Variants in TAGLN3 observed in about 807,000 individuals in gnomAD.
TAGLN3 encodes the protein transgelin-3.
TAGLN3 carries 12 observed loss-of-function variants against 25.4 expected under a neutral mutation model. That is an observed-to-expected ratio of 0.47 (90% CI 0.30 to 0.77). The LOEUF (loss-of-function observed/expected upper bound fraction) is 0.77. Among genes scored for constraint, TAGLN3 ranks in the 30% least tolerant of loss-of-function variants. TAGLN3 has a pLI of 0.06. For synonymous variants in TAGLN3, 96 were observed against 94.8 expected (o/e 1.01, Z -0.08); for missense variants, 218 against 255.8 (o/e 0.85, Z 1.01).
chr3:111,999,266 A>G, intron 1 of TAGLN3, 152 bp downstream of exon 1: 1 of 794,348 alleles, frequency 1.3e-6, no homozygotes. Context: ...CATTGGCTTC[A>G]TTGGCTCCTT....
chr3:112,007,525 T>C (rs1418436008), intron 3 of TAGLN3, among the ~76,000 whole-genome samples: 1 of 152,226 alleles, frequency 6.6e-6, no homozygotes. Context: ...CACCAGCTCT[T>C]AGATAACCAG....
At chr3:112,002,695 AGGAGGTCTGTG>A (rs2107720469) in intron 3 of TAGLN3, among the ~76,000 whole-genome samples, 1 of 148,684 alleles carries the variant, frequency 6.7e-6, no homozygotes, top group African/African-American at 2.4e-5. Flanking sequence ...GGAAGAAGCC[AGGAGGTCTGTG>A]GGAGGTGAGG....
chr3:112,004,266 G>T (rs934404951), intron 3 of TAGLN3, among the ~76,000 whole-genome samples: 1 of 152,238 alleles, frequency 6.6e-6, no homozygotes, highest in Non-Finnish European at 1.5e-5. Flanking sequence ...CCTGGAAAGG[G>T]CAGGGGTGGG....
intron 3 of TAGLN3, among the ~76,000 whole-genome samples, chr3:112,006,835 A>ATCT (rs1349817900): frequency 1.3e-5 from 2 of 152,242 alleles, no homozygotes; most frequent in African/African-American, 4.8e-5. Context: ...TTGTTAAAGT[A>ATCT]TCTTTATAGC....
rs758289777 is a variant in TAGLN3, at chr3:112,013,675, G to A, written c.*124G>A. The A allele has an allele frequency of 4.9e-6, 7 of 1,440,252 alleles. No individual in the cohort carries two copies. The highest frequency in any genetic ancestry group is 6.7e-6 in the Non-Finnish European group (7 of 1,046,614). The allele number at this position is 1,440,252 out of a possible 1,614,324, so 89.2% of individuals were successfully genotyped here. A position where few individuals can be genotyped will look rare whatever the true frequency, so the allele number is the denominator to read the frequency against. ...TCAAAGCCTTCTGTCCCTGGTTTTT[G>A]CAAGTGCTGCATTTCCGCCGAGAAT... On this transcript the variant is annotated 3_prime_UTR_variant, in exon 5 of 5. Transcript: ENST00000478951.
intron 3 of TAGLN3, among the ~76,000 whole-genome samples, chr3:112,001,467 T>C (rs1055547093): frequency 1.8e-4 from 28 of 152,232 alleles, no homozygotes; most frequent in African/African-American, 5.5e-4. Context: ...TCCTTCACAT[T>C]TGTGAATTGA....
chr3:112,001,886 G>A (rs1345563619), intron 3 of TAGLN3, among the ~76,000 whole-genome samples: 2 of 152,174 alleles, frequency 1.3e-5, no homozygotes, highest in East Asian at 1.9e-4. Flanking sequence ...TCAGATGATG[G>A]TTGAAATAGA....
rs201934027 is a variant in TAGLN3 at position 112,011,729 on chromosome 3, C to T, written c.356-34C>T. Reference sequence around the variant, plus strand: ...CTTCCAGCATTCCTTGGCTCTGACACGTGCTTGGCTTTAAGCTCTTTGTTG... The same window carrying T: ...CTTCCAGCATTCCTTGGCTCTGACATGTGCTTGGCTTTAAGCTCTTTGTTG... On this transcript the variant is annotated intron_variant, in intron 3 of 4. Coordinates refer to ENST00000478951, the MANE Select transcript of TAGLN3 (RefSeq NM_001008272.2). 217 of 1,591,192 alleles carry T rather than the reference C, an allele frequency of 1.4e-4. No homozygotes were observed. In the Admixed American group the frequency reaches 3.0e-3, roughly 22 times the overall value.
At chr3:112,012,130 T>C (rs1390289665) in intron 4 of TAGLN3, among the ~76,000 whole-genome samples, 2 of 152,186 alleles carry the variant, frequency 1.3e-5, no homozygotes, top group African/African-American at 2.4e-5. Context: ...TCAGCAGGAC[T>C]GGATGGCCTT....
Position 112,013,570 on chromosome 3 carries a change from T to A in TAGLN3, c.*19T>A. On this transcript the variant is annotated 3_prime_UTR_variant, in exon 5 of 5. Transcript: ENST00000478951. ...CATGTAGGACGCGGCATCCTGCCCC[T>A]GGTAGAGAGGACGAATGTTCCACAC... The A allele has an allele frequency of 6.2e-7, 1 of 1,614,026 alleles. No individual in the cohort carries two copies. Among genetic ancestry groups the A allele is most frequent in the Non-Finnish European group, 8.5e-7 (1 of 1,179,912 alleles).
rs555766978 is a variant in TAGLN3 at position 112,005,816 on chromosome 3, G to C, written c.355+4870G>C. The stretch of plus-strand genomic sequence containing the variant: ...CCAGGTTCACGGCATTCTCCTGCCT[G>C]AGCCTCCTGAGTAGCTGGGACTTAC... On this transcript the variant is annotated intron_variant, in intron 3 of 4. Transcript: ENST00000478951. Among the ~76,000 whole-genome samples, 40 of 149,884 alleles carry C rather than the reference G, an allele frequency of 2.7e-4. No individual in the cohort carries two copies. In the South Asian group the frequency reaches 4.6e-3, roughly 17 times the overall value.
chr3:112,010,326 T>G (rs910323376), intron 3 of TAGLN3, among the ~76,000 whole-genome samples: 5 of 152,116 alleles, frequency 3.3e-5, no homozygotes, highest in African/African-American at 1.2e-4. Context: ...ACAGTAGAGA[T>G]GAGTGATATA....
intron 3 of TAGLN3, among the ~76,000 whole-genome samples, chr3:112,008,166 C>G (rs1161013283): frequency 2.0e-5 from 3 of 152,172 alleles, no homozygotes; most frequent in African/African-American, 7.2e-5. Context: ...CCTGCAAACT[C>G]CCATAAATAA....
At chr3:112,007,743 T>G (rs2072933043) in intron 3 of TAGLN3, among the ~76,000 whole-genome samples, 1 of 152,226 alleles carries the variant, frequency 6.6e-6, no homozygotes, top group Admixed American at 6.5e-5. Context: ...TGGGCTGACT[T>G]CCAACTTGGA....
At chr3:112,006,087 C>T (rs1371686642) in intron 3 of TAGLN3, among the ~76,000 whole-genome samples, 6 of 152,170 alleles carry the variant, frequency 3.9e-5, no homozygotes, top group South Asian at 4.2e-4. Flanking sequence ...TCAGAGCAGC[C>T]GTCACTGCAT....
chr3:112,006,912 C>A (rs1443394087), intron 3 of TAGLN3, among the ~76,000 whole-genome samples: 1 of 152,172 alleles, frequency 6.6e-6, no homozygotes, highest in Admixed American at 6.5e-5. Context: ...GGAGTTATAA[C>A]TTAGTAATAT....
chr3:112,002,171 C>T (rs2072867408), intron 3 of TAGLN3, among the ~76,000 whole-genome samples: 1 of 152,316 alleles, frequency 6.6e-6, no homozygotes, highest in African/African-American at 2.4e-5. Flanking sequence ...ATCCTTGCTT[C>T]CTCGATCAAA....
chr3:111,999,638 G>T (rs774986257), intron 2 of TAGLN3, 36 bp downstream of exon 2: 31 of 1,605,054 alleles, frequency 1.9e-5, no homozygotes, highest in South Asian at 1.9e-4. Flanking sequence ...CTGGGGCGGT[G>T]GGCAGGGAAA....
At chr3:112,009,131 G>A (rs369161315) in intron 3 of TAGLN3, among the ~76,000 whole-genome samples, 27 of 152,268 alleles carry the variant, frequency 1.8e-4, no homozygotes, top group East Asian at 1.7e-3. Flanking sequence ...AGCCATTCAT[G>A]AGGGATCTGC....
Sources: allele counts gnomAD v4.1 joint callset (sites outside exome capture counted in the v4.1 genomes callset), GRCh38; gene constraint gnomAD v4.1.1; transcripts MANE v1.5; gene names NCBI Gene and HGNC (gene_info 2026-07-23, HGNC 2026-07-21).